HELB: variants seen among roughly 807,000 people sequenced by gnomAD.
HELB encodes the protein DNA helicase B.
Under a neutral mutation model 101.7 loss-of-function variants are expected in HELB, and 96 were observed. The observed-to-expected ratio is 0.94, with a 90% CI of 0.80 to 1.12. The LOEUF (loss-of-function observed/expected upper bound fraction) is 1.12, where lower values mean the gene tolerates loss of function less well. HELB is among the 50% of genes most tolerant of loss of function. HELB has a pLI of 0.00. For missense variants in HELB, 1,210 were observed against 1,291.9 expected (o/e 0.94, Z 0.97); for synonymous variants, 437 against 459.7 (o/e 0.95, Z 0.63).
chr12:66,308,468 A>G (rs145575068), intron 3 of HELB, among the ~76,000 whole-genome samples: 2 of 152,228 alleles, frequency 1.3e-5, no homozygotes, highest in Non-Finnish European at 2.9e-5. Context: ...ACCATTCAGC[A>G]TGTAAACTGC....
At chr12:66,343,251 A>T (rs2053930462) in intron 13 of HELB, 1 of 152,114 alleles carries the variant, frequency 6.6e-6, no homozygotes, top group South Asian at 2.1e-4. Context: ...ACAGTATTAA[A>T]TCTTCTGACT....
At position 66,310,301 on chromosome 12, in the gene HELB, A is replaced by G. The variant is rs141151295; in HGVS notation, c.1373A>G (p.Gln458Arg). The change falls in exon 4 of 13, where the codon CAG becomes CGG. Residue 458 changes from glutamine to arginine, a missense_variant. Gln to Arg is a conservative substitution (Grantham distance 43, BLOSUM62 1). This residue lies in a region of HELB where 470 missense variants were observed against 563.1 expected (regional missense o/e 0.83). Transcript: ENST00000247815. ...DQVEVPLDRD[Q>R]VAALEMICSN... ...GTTGAAGTTCCACTGGATCGGGATCAGGTGGCTGCTTTGGAAATGATTTGC... is the reference window on the plus strand; with the variant it reads ...GTTGAAGTTCCACTGGATCGGGATCGGGTGGCTGCTTTGGAAATGATTTGC... 6.2e-7 allele frequency: 1 copy of G among 1,614,090 alleles called. No homozygotes were observed. Among genetic ancestry groups the G allele is most frequent in the African/African-American group, 1.3e-5 (1 of 74,944 alleles).
chr12:66,309,259 A>G (rs1490875865), intron 3 of HELB, among the ~76,000 whole-genome samples: 1 of 152,222 alleles, frequency 6.6e-6, no homozygotes, highest in Non-Finnish European at 1.5e-5. Flanking sequence ...ATGGTATAAA[A>G]TAGAGTGACC....
chr12:66,327,026 A>T (rs2053746748), intron 11 of HELB, among the ~76,000 whole-genome samples: 2 of 112,396 alleles, frequency 1.8e-5, no homozygotes, highest in African/African-American at 3.6e-5. Context: ...ACAGAGGGAG[A>T]CTTCATCTCA....
chr12:66,329,488 G>A (rs745618260), intron 11 of HELB, among the ~76,000 whole-genome samples: 2 of 152,168 alleles, frequency 1.3e-5, no homozygotes, highest in Non-Finnish European at 2.9e-5. Flanking sequence ...CTTGTGCTGG[G>A]TGGAGCATGG....
chr12:66,311,798 A>T (rs2053548427), intron 4 of HELB, among the ~76,000 whole-genome samples: 1 of 152,176 alleles, frequency 6.6e-6, no homozygotes, highest in Non-Finnish European at 1.5e-5. Flanking sequence ...GCTTGTAAAG[A>T]GTTGGAGAGG....
intron 6 of HELB, among the ~76,000 whole-genome samples, chr12:66,317,361 T>C (rs891975635): frequency 2.6e-5 from 4 of 152,104 alleles, no homozygotes; most frequent in African/African-American, 9.7e-5. Context: ...TTGGACAAAA[T>C]TGTGGGAGTA....
chr12:66,336,933 G>A (rs1385442215), intron 12 of HELB, among the ~76,000 whole-genome samples: 3 of 152,168 alleles, frequency 2.0e-5, no homozygotes, highest in African/African-American at 7.2e-5. Context: ...GAGAGAGTAG[G>A]GAATGAGTTC....
At chr12:66,316,567 A>AAATAATCATCAT (rs1213683556) in intron 6 of HELB, among the ~76,000 whole-genome samples, 1 of 145,054 alleles carries the variant, frequency 6.9e-6, no homozygotes, top group African/African-American at 2.6e-5. Context: ...TGATAAGCTA[A>AAATAATCATCAT]AATAATAATA....
chr12:66,343,003 C>T (rs574195563), downstream of HELB: 4 of 152,046 alleles, frequency 2.6e-5, no homozygotes, highest in Non-Finnish European at 5.9e-5. Context: ...GCCCATATGT[C>T]TATTCTAATG....
At chr12:66,337,519 A>G (rs1440761787) in intron 12 of HELB, among the ~76,000 whole-genome samples, 3 of 152,130 alleles carry the variant, frequency 2.0e-5, no homozygotes, top group Non-Finnish European at 4.4e-5. Context: ...TAGTAGCACA[A>G]AGAATATGAC....
At chr12:66,317,268 C>A (rs2053618788) in intron 6 of HELB, among the ~76,000 whole-genome samples, 1 of 152,110 alleles carries the variant, frequency 6.6e-6, no homozygotes, top group Non-Finnish European at 1.5e-5. Flanking sequence ...GCATTTAAAG[C>A]CATACTTGGC....
At chr12:66,331,813 C>T (rs2053813177) in intron 12 of HELB, among the ~76,000 whole-genome samples, 168 bp downstream of exon 12, 1 of 152,130 alleles carries the variant, frequency 6.6e-6, no homozygotes, top group Admixed American at 6.5e-5. Flanking sequence ...TCTGATTTCC[C>T]CTTCATTTCC....
chr12:66,318,866 T>A (rs2053639858), intron 7 of HELB, 74 bp downstream of exon 7: 1 of 1,152,892 alleles, frequency 8.7e-7, no homozygotes, highest in Non-Finnish European at 1.2e-6. Flanking sequence ...ATTAAATGAC[T>A]AGTTACAATT....
At chr12:66,306,989 C>T (rs1270991154) in intron 3 of HELB, among the ~76,000 whole-genome samples, 4 of 152,108 alleles carry the variant, frequency 2.6e-5, no homozygotes, top group Admixed American at 2.0e-4. Flanking sequence ...TTATTTTGTA[C>T]ACTAACATCA....
chr12:66,320,276 C>G (rs2053655622), intron 7 of HELB, among the ~76,000 whole-genome samples: 1 of 152,006 alleles, frequency 6.6e-6, no homozygotes, highest in African/African-American at 2.4e-5. Flanking sequence ...TCTCTTCTTC[C>G]CCCAGGACAA....
intron 3 of HELB, among the ~76,000 whole-genome samples, chr12:66,308,102 T>G (rs7315366): frequency 0.66 from 98,974 of 150,814 alleles, 33,309 homozygotes; most frequent in Middle Eastern, 0.83. Flanking sequence ...ATTTTCTGCC[T>G]TCTGGATTAA....
chr12:66,311,157 GA>G (rs547349703), intron 4 of HELB, among the ~76,000 whole-genome samples: 31 of 144,914 alleles, frequency 2.1e-4, no homozygotes, highest in Middle Eastern at 3.5e-3. Context: ...AAGTCTTATG[GA>G]AAAAAAAAAA....
chr12:66,312,608 G>A (rs1473136231), intron 4 of HELB, among the ~76,000 whole-genome samples: 1 of 152,160 alleles, frequency 6.6e-6, no homozygotes, highest in Non-Finnish European at 1.5e-5. Flanking sequence ...TCATTACCAA[G>A]TTTTATCTGA....
Sources: gnomAD v4.1 joint callset for allele counts (sites outside exome capture counted in the v4.1 genomes callset) on GRCh38, gnomAD v4.1.1 for gene constraint, gnomAD v4.1.1 regional missense constraint, MANE v1.5 for transcripts, NCBI Gene and HGNC (gene_info 2026-07-23, HGNC 2026-07-21) for gene names.